The following SMAP1 variants were observed in gnomAD, a reference collection of about 807,000 sequenced individuals.
The protein encoded by SMAP1 is stromal membrane-associated protein 1.
A neutral mutation model predicts 58.5 loss-of-function variants in SMAP1; 24 were observed. That is an observed-to-expected ratio of 0.41 (90% CI 0.30 to 0.58). SMAP1 has a LOEUF of 0.58. Ranked by LOEUF, SMAP1 falls within the 20% of genes least tolerant of loss-of-function variation. SMAP1 has a pLI of 0.29. For synonymous variants in SMAP1, 216 were observed against 196.6 expected (o/e 1.10, Z -0.82); for missense variants, 563 against 566.3 (o/e 0.99, Z 0.06).
chr6:70,750,234 T>A (rs529119430), intron 2 of SMAP1, among the ~76,000 whole-genome samples: 7 of 152,238 alleles, frequency 4.6e-5, no homozygotes, highest in South Asian at 4.1e-4. Flanking sequence ...AGTGATTTTT[T>A]AAAAAAATAT....
intron 1 of SMAP1, among the ~76,000 whole-genome samples, chr6:70,712,793 TTTTC>T (rs1363411993): frequency 1.4e-5 from 2 of 141,012 alleles, no homozygotes; most frequent in Admixed American, 6.9e-5. Context: ...TCTTTTTTTC[TTTTC>T]TTTTTTTTTT....
chr6:70,762,670 C>T (rs1667180368), intron 3 of SMAP1, among the ~76,000 whole-genome samples: 1 of 152,078 alleles, frequency 6.6e-6, no homozygotes, highest in Non-Finnish European at 1.5e-5. Flanking sequence ...AAAAAGTGAT[C>T]TTATGTTAAT....
At chr6:70,733,762 C>T (rs1436209492) in intron 2 of SMAP1, among the ~76,000 whole-genome samples, 1 of 152,152 alleles carries the variant, frequency 6.6e-6, no homozygotes, top group Non-Finnish European at 1.5e-5. Context: ...AGGTACAAAG[C>T]ATTCACGACC....
intron 5 of SMAP1, among the ~76,000 whole-genome samples, chr6:70,793,660 G>GAC: frequency 6.7e-6 from 1 of 150,090 alleles, no homozygotes; most frequent in African/African-American, 2.5e-5. Flanking sequence ...GAGAGAGAGA[G>GAC]AGAGAGAGAG....
At chr6:70,693,508 T>G (rs1378723378) in intron 1 of SMAP1, among the ~76,000 whole-genome samples, 1 of 151,970 alleles carries the variant, frequency 6.6e-6, no homozygotes, top group African/African-American at 2.4e-5. Context: ...TTCACCTTGT[T>G]GGCCAGGATG....
At chr6:70,725,837 A>C (rs1582067650) in intron 1 of SMAP1, among the ~76,000 whole-genome samples, 1 of 152,248 alleles carries the variant, frequency 6.6e-6, no homozygotes, top group African/African-American at 2.4e-5. Flanking sequence ...AAGCAAACTT[A>C]TAATAATTTT....
intron 6 of SMAP1, among the ~76,000 whole-genome samples, chr6:70,822,454 G>A (rs1769931677): frequency 1.3e-5 from 2 of 152,160 alleles, no homozygotes; most frequent in Admixed American, 1.3e-4. Context: ...AATATGATCA[G>A]TCTGCCTTCA....
chr6:70,743,610 T>C (rs1347675371), intron 2 of SMAP1, among the ~76,000 whole-genome samples: 1 of 152,172 alleles, frequency 6.6e-6, no homozygotes, highest in Non-Finnish European at 1.5e-5. Context: ...AAGAAAACCA[T>C]AGGCCAAAAA....
chr6:70,800,382 C>T (rs892696908), intron 6 of SMAP1, among the ~76,000 whole-genome samples: 4 of 152,038 alleles, frequency 2.6e-5, no homozygotes, highest in African/African-American at 9.7e-5. Flanking sequence ...TGTTGGATTG[C>T]CTGCTTTTCC....
At chr6:70,858,324 T>A in intron 10 of SMAP1, 95 bp downstream of exon 10, 1 of 1,120,982 alleles carries the variant, frequency 8.9e-7, no homozygotes, top group Non-Finnish European at 1.2e-6. Context: ...TTAAGTCTAG[T>A]GATCTGGCAG....
At chr6:70,836,889 C>G in intron 6 of SMAP1, 52 bp from the exon 7 acceptor site, 1 of 1,410,238 alleles carries the variant, frequency 7.1e-7, no homozygotes, top group East Asian at 2.6e-5. Context: ...GGCTTAAAAT[C>G]TTGTTAAATT....
rs1195929610 is a variant in SMAP1 at position 70,860,479 on chromosome 6, C to CTGTACTGATTCA, written c.*146_*157dup. Reference sequence around the variant, plus strand: ...GAATGATCTGATTGACCGTGTTGGTCTGTACTGATTCAATTTGATGTGGTG... The same window carrying CTGTACTGATTCA: ...GAATGATCTGATTGACCGTGTTGGTCTGTACTGATTCATGTACTGATTCAATTTGATGTGGTG... On this transcript the variant is annotated 3_prime_UTR_variant, in exon 11 of 11. Transcript: ENST00000370455. 1.1e-6 allele frequency: 1 copy of CTGTACTGATTCA among 921,592 alleles called. No homozygotes were observed. The highest frequency in any genetic ancestry group is 1.7e-5 in the African/African-American group (1 of 58,868). 57.1% of individuals were successfully genotyped at this position (921,592 alleles called of 1,614,324 possible).
intron 3 of SMAP1, among the ~76,000 whole-genome samples, chr6:70,762,388 T>C (rs1348161532): frequency 6.6e-6 from 1 of 152,186 alleles, no homozygotes; most frequent in East Asian, 1.9e-4. Context: ...CTAAAACATT[T>C]ACTTTCTGGG....
chr6:70,755,498 T>G (rs1766450084), intron 3 of SMAP1, among the ~76,000 whole-genome samples: 1 of 152,024 alleles, frequency 6.6e-6, no homozygotes, highest in Non-Finnish European at 1.5e-5. Flanking sequence ...TGTTAGAAGA[T>G]TTTGCTCAAC....
chr6:70,698,952 A>G (rs1767518939), intron 1 of SMAP1, among the ~76,000 whole-genome samples: 1 of 151,934 alleles, frequency 6.6e-6, no homozygotes, highest in Admixed American at 6.6e-5. Flanking sequence ...ATGCTTGTGG[A>G]TGTTTGTTGA....
chr6:70,739,149 A>T (rs1481223433), intron 2 of SMAP1, among the ~76,000 whole-genome samples: 4 of 152,168 alleles, frequency 2.6e-5, no homozygotes, highest in Non-Finnish European at 5.9e-5. Context: ...GGATTCCAAG[A>T]ATGTATTGCT....
rs145670134 is a variant in SMAP1, at chr6:70,847,394, G to C, written c.665-5146G>C. ...GCTGAAAACATTTTAACCTTTTCCT[G>C]TCGGTTTCTCATATGTGGGTAGTTA... On this transcript the variant is annotated intron_variant, in intron 7 of 10. Coordinates refer to ENST00000370455, the MANE Select transcript of SMAP1 (RefSeq NM_001044305.3). Among the ~76,000 whole-genome samples the C allele has an allele frequency of 3.8e-4, 58 of 152,230 alleles. No individual in the cohort carries two copies. The East Asian group carries it at 9.6e-3, about 25-fold the overall frequency.
At position 70,730,043 on chromosome 6, in the gene SMAP1, TTTCTGC is replaced by T. The variant is rs557415353; in HGVS notation, c.119-2331_119-2326del. ...ACACTGATCTAGAATTCACTGTGCATTTCTGCTTCCCTTCTCTCTCCCTTCTCCCCC... is the reference window on the plus strand; with the variant it reads ...ACACTGATCTAGAATTCACTGTGCATTTCCCTTCTCTCTCCCTTCTCCCCC... On this transcript the variant is annotated intron_variant, in intron 1 of 10. Transcript: ENST00000370455. Among the ~76,000 whole-genome samples, 56 of 152,270 alleles carry T rather than the reference TTTCTGC, an allele frequency of 3.7e-4. No individual in the cohort carries two copies. The East Asian group carries it at 0.011, about 29-fold the overall frequency.
intron 7 of SMAP1, among the ~76,000 whole-genome samples, chr6:70,848,572 C>T (rs1018148755): frequency 6.6e-6 from 1 of 152,124 alleles, no homozygotes; most frequent in Non-Finnish European, 1.5e-5. Flanking sequence ...AGGTGAAGGA[C>T]ATTGAGGAAG....
Sources: gnomAD v4.1 joint callset for allele counts (sites outside exome capture counted in the v4.1 genomes callset) on GRCh38, gnomAD v4.1.1 for gene constraint, MANE v1.5 for transcripts, NCBI Gene and HGNC (gene_info 2026-07-23, HGNC 2026-07-21) for gene names.